Variants in NELL2 observed in about 807,000 individuals in gnomAD.
The protein encoded by NELL2 is protein kinase C-binding protein NELL2.
A neutral mutation model predicts 109.6 loss-of-function variants in NELL2; 41 were observed. The ratio of observed to expected loss-of-function variants is 0.37; its 90% CI spans 0.29 to 0.49. NELL2 has a LOEUF of 0.49. NELL2 is among the 20% of genes least tolerant of loss of function. The pLI is 0.98. For synonymous variants in NELL2, 355 were observed against 344.7 expected, an observed-to-expected ratio of 1.03 and a Z score of -0.33; for missense variants, 900 against 1,008.3, an observed-to-expected ratio of 0.89 and a Z score of 1.45.
intron 13 of NELL2, among the ~76,000 whole-genome samples, chr12:44,629,950 G>T (rs1255232039): frequency 1.3e-5 from 2 of 152,092 alleles, no homozygotes. Context: ...CATGTTGGTT[G>T]GTTACATATT....
chr12:44,524,046 T>C (rs547587504), intron 16 of NELL2, among the ~76,000 whole-genome samples: 2 of 152,318 alleles, frequency 1.3e-5, no homozygotes, highest in Admixed American at 6.5e-5. Context: ...GGCATTTTCA[T>C]ACAGTCCTTA....
intron 1 of NELL2, among the ~76,000 whole-genome samples, chr12:44,911,440 G>GT (rs1325281196): frequency 6.6e-6 from 1 of 151,928 alleles, no homozygotes; most frequent in Non-Finnish European, 1.5e-5. Context: ...GTAGTAAACA[G>GT]TAAGTATTCC....
chr12:44,864,619 T>G (rs2136816890), intron 2 of NELL2, among the ~76,000 whole-genome samples: 1 of 152,326 alleles, frequency 6.6e-6, no homozygotes, highest in Non-Finnish European at 1.5e-5. Flanking sequence ...ACAATAGCAC[T>G]AGGGAACTTT....
intron 9 of NELL2, among the ~76,000 whole-genome samples, chr12:44,729,164 T>C (rs1157304396): frequency 1.3e-5 from 2 of 152,070 alleles, no homozygotes; most frequent in African/African-American, 2.4e-5. Flanking sequence ...AGATAACAAC[T>C]ATAAAAATAT....
intron 12 of NELL2, among the ~76,000 whole-genome samples, chr12:44,698,254 G>A (rs748704779): frequency 6.6e-6 from 1 of 152,178 alleles, no homozygotes; most frequent in East Asian, 1.9e-4. Flanking sequence ...GTAAATGTGA[G>A]GTGGGGTGTG....
At chr12:44,713,177 TACAC>T (rs35017907) in intron 10 of NELL2, among the ~76,000 whole-genome samples, 71,097 of 141,806 alleles carry the variant, frequency 0.5, 18,694 homozygotes, top group Non-Finnish European at 0.6. Flanking sequence ...ATGAATAGGA[TACAC>T]ACACACACAC....
chr12:44,682,446 G>T (rs549077149), intron 12 of NELL2, among the ~76,000 whole-genome samples: 164 of 152,000 alleles, frequency 1.1e-3, no homozygotes, highest in African/African-American at 3.8e-3. Context: ...GTCAATTTTG[G>T]CTTTTGTTGC....
intron 3 of NELL2, among the ~76,000 whole-genome samples, chr12:44,782,278 TCATAAA>T (rs1941991871): frequency 6.6e-6 from 1 of 151,126 alleles, no homozygotes; most frequent in African/African-American, 2.4e-5. Flanking sequence ...AGAGACACAC[TCATAAA>T]CATACAGATA....
intron 1 of NELL2, among the ~76,000 whole-genome samples, chr12:44,909,891 A>G (rs1433515488): frequency 6.6e-6 from 1 of 152,046 alleles, no homozygotes; most frequent in African/African-American, 2.4e-5. Context: ...AGGAATCCCT[A>G]TTCAATAAAT....
chr12:44,660,133 A>G (rs1187538908), intron 13 of NELL2, among the ~76,000 whole-genome samples: 1 of 152,204 alleles, frequency 6.6e-6, no homozygotes, highest in Non-Finnish European at 1.5e-5. Flanking sequence ...CAATAAAAGG[A>G]CACTGGGGAC....
chr12:44,776,886 T>C (rs575509268), intron 7 of NELL2, among the ~76,000 whole-genome samples, 156 bp downstream of exon 7: 1 of 152,358 alleles, frequency 6.6e-6, no homozygotes, highest in South Asian at 2.1e-4. Flanking sequence ...TTTTAATATT[T>C]ATAAGCCTTT....
chr12:44,873,856 G>A (rs182827954), intron 2 of NELL2, among the ~76,000 whole-genome samples: 2 of 151,602 alleles, frequency 1.3e-5, no homozygotes, highest in East Asian at 3.9e-4. Flanking sequence ...TGTTTTTAAA[G>A]GATTCAATAT....
intron 19 of NELL2, among the ~76,000 whole-genome samples, chr12:44,516,743 C>A (rs1252184582): frequency 6.6e-6 from 1 of 152,124 alleles, no homozygotes; most frequent in Non-Finnish European, 1.5e-5. Flanking sequence ...TGACTGCAGC[C>A]TTGAACGCCT....
At position 44,711,400 on chromosome 12, in the gene NELL2, A is replaced by C. The variant is rs1410562770; in HGVS notation, c.1087-6T>G. ...ACAAGTTTCATGGTCTGGTCCTGTT[A>C]GACAACAGAAAAGAAGTGCTTCAAA... On this transcript the variant is annotated splice_polypyrimidine_tract_variant and splice_region_variant and intron_variant, in intron 10 of 19. Transcript: ENST00000429094. 1.2e-6 allele frequency: 2 copies of C among 1,608,812 alleles called. No individual in the cohort carries two copies. Among genetic ancestry groups the C allele is most frequent in the Non-Finnish European group, 1.7e-6 (2 of 1,175,814 alleles).
chr12:44,727,885 C>T (rs1203540293), intron 9 of NELL2, among the ~76,000 whole-genome samples: 1 of 151,940 alleles, frequency 6.6e-6, no homozygotes, highest in Non-Finnish European at 1.5e-5. Flanking sequence ...CCCCAAATGC[C>T]TCTGGAATTA....
At chr12:44,918,691 T>G (rs1365625053), upstream of NELL2, among the ~76,000 whole-genome samples, 1 of 152,190 alleles carries the variant, frequency 6.6e-6, no homozygotes, top group Non-Finnish European at 1.5e-5. Flanking sequence ...GACTCATTCT[T>G]CCACCCTTGC....
chr12:44,640,705 A>T (rs76542342), intron 13 of NELL2, among the ~76,000 whole-genome samples: 5,771 of 152,070 alleles, frequency 0.038, 359 homozygotes, highest in African/African-American at 0.13. Context: ...CATATTATTC[A>T]TATAGAAATA....
intron 2 of NELL2, among the ~76,000 whole-genome samples, chr12:44,816,739 G>A (rs891279148): frequency 1.3e-5 from 2 of 152,136 alleles, no homozygotes; most frequent in African/African-American, 4.8e-5. Context: ...AAAAGAATAC[G>A]TAGAACTTAA....
intron 13 of NELL2, among the ~76,000 whole-genome samples, chr12:44,630,314 C>G (rs962328336): frequency 2.6e-5 from 4 of 151,932 alleles, no homozygotes; most frequent in African/African-American, 9.7e-5. Flanking sequence ...TACTATAAGG[C>G]AAATGAAGCA....
Sources: gnomAD v4.1 joint callset for allele counts (sites outside exome capture counted in the v4.1 genomes callset) on GRCh38, gnomAD v4.1.1 for gene constraint, MANE v1.5 for transcripts, NCBI Gene and HGNC (gene_info 2026-07-23, HGNC 2026-07-21) for gene names.